NEBL: variants seen among roughly 807,000 people sequenced by gnomAD.
NEBL encodes LIM and SH3 protein 2.
In NEBL, 122 loss-of-function variants were observed where a neutral mutation model predicts 140.2. That is an observed-to-expected ratio of 0.87 (90% CI 0.75 to 1.01). NEBL has a LOEUF of 1.01. NEBL is among the 50% of genes least tolerant of loss of function. The pLI is 0.00. For synonymous variants in NEBL, 436 were observed against 398.9 expected (o/e 1.09, Z -1.11); for missense variants, 1,365 against 1,231.3 (o/e 1.11, Z -1.62).
rs1841184552 is a variant in NEBL, at chr10:21,173,656, A to C, written c.69+109T>G. 2 of 1,564,210 alleles carry C rather than the reference A, an allele frequency of 1.3e-6. No homozygotes were observed. The highest frequency in any genetic ancestry group is 1.7e-5 in the Admixed American group (1 of 58,564). The stretch of plus-strand genomic sequence containing the variant: ...CCTCCCCCCGTGCCAAGGCACACGC[A>C]CACGCACCGACCCACTCATTGCTTT... On this transcript the variant is annotated intron_variant, in intron 1 of 6. Transcript: ENST00000417816. This position sits in a 1 kb window ranked among gnomAD's most constrained non-coding sequence, Gnocchi z 5.7.
rs1220695576 is a variant in NEBL, at chr10:20,808,485, T to C, written c.2761+25A>G. 12 of 1,612,414 alleles carry C rather than the reference T, an allele frequency of 7.4e-6. No homozygotes were observed. In the African/African-American group the frequency reaches 1.6e-4, roughly 22 times the overall value. ...ACACTTAAAAAATGAATCGATTTTCTTTGTAAGCAGTGAATGTTTGATACC... is the reference window on the plus strand; with the variant it reads ...ACACTTAAAAAATGAATCGATTTTCCTTGTAAGCAGTGAATGTTTGATACC... On this transcript the variant is annotated intron_variant, in intron 26 of 27. Transcript: ENST00000377122.
intron 2 of NEBL, among the ~76,000 whole-genome samples, chr10:21,153,506 T>A (rs938557004): frequency 4.0e-5 from 6 of 151,170 alleles, no homozygotes; most frequent in African/African-American, 1.5e-4. Flanking sequence ...ATTTTTTATA[T>A]ATATTAAAAC....
At chr10:21,019,251 C>T (rs1332127038) in intron 3 of NEBL, among the ~76,000 whole-genome samples, 2 of 152,222 alleles carry the variant, frequency 1.3e-5, no homozygotes, top group Non-Finnish European at 2.9e-5. Context: ...TACAGACACC[C>T]TCAAGACAGG....
intron 4 of NEBL, among the ~76,000 whole-genome samples, chr10:20,905,164 A>T (rs1848037318): frequency 6.6e-6 from 1 of 152,250 alleles, no homozygotes; most frequent in Non-Finnish European, 1.5e-5. Context: ...ACACAAACAC[A>T]TGAAAAACTA....
chr10:20,877,470 A>C (rs1845608497), intron 5 of NEBL, among the ~76,000 whole-genome samples: 2 of 152,206 alleles, frequency 1.3e-5, no homozygotes. Context: ...CTTTTAATAA[A>C]AAGCAGCCCC....
chr10:21,252,584 T>A lies in NEBL; in HGVS notation n.183-756A>T, dbSNP rs569489194. Among the ~76,000 whole-genome samples, 172 of 152,010 alleles carry A rather than the reference T, an allele frequency of 1.1e-3. 3 individuals are homozygous for A. Among genetic ancestry groups the A allele is most frequent in the African/African-American group, 3.9e-3 (160 of 41,430 alleles). On this transcript the variant is annotated intron_variant and non_coding_transcript_variant, in intron 1 of 8. Coordinates refer to the NEBL transcript ENST00000675702. ...ACGTTTTTAAAATGCACAACCTTAC[T>A]GGGAAAAAATATATATAAATATACA...
chr10:21,095,233 A>G (rs1837131200), intron 2 of NEBL, among the ~76,000 whole-genome samples: 1 of 152,160 alleles, frequency 6.6e-6, no homozygotes, highest in Non-Finnish European at 1.5e-5. Context: ...CCCTCACAAA[A>G]GTTCCATCCA....
intron 2 of NEBL, chr10:21,020,341 T>C (rs1453339610): frequency 5.5e-6 from 4 of 727,916 alleles, no homozygotes; most frequent in Admixed American, 4.1e-5. Flanking sequence ...TAAGGTCATC[T>C]CTCTGTCATT....
intron 2 of NEBL, among the ~76,000 whole-genome samples, chr10:21,086,339 C>T (rs537507946): frequency 6.6e-6 from 1 of 152,222 alleles, no homozygotes; most frequent in Admixed American, 6.5e-5. Context: ...TGTGCTAAGA[C>T]CCTATAACTC....
chr10:21,054,336 A>G (rs1359135330), intron 2 of NEBL, among the ~76,000 whole-genome samples: 4 of 152,146 alleles, frequency 2.6e-5, no homozygotes, highest in Admixed American at 1.3e-4. Flanking sequence ...AAATCTGTTT[A>G]ATGGTTATTT....
chr10:20,960,743 A>G (rs1486561895), intron 4 of NEBL, among the ~76,000 whole-genome samples: 1 of 152,048 alleles, frequency 6.6e-6, no homozygotes, highest in East Asian at 1.9e-4. Flanking sequence ...GTATACATAC[A>G]TCTCATGATG....
At chr10:21,094,682 A>G (rs964469095) in intron 2 of NEBL, among the ~76,000 whole-genome samples, 5 of 152,148 alleles carry the variant, frequency 3.3e-5, no homozygotes, top group Non-Finnish European at 7.3e-5. Context: ...GAAACAAAAA[A>G]GGCTAAAGAA....
chr10:21,288,547 A>T lies in NEBL; in HGVS notation n.182+4283T>A, dbSNP rs529470337. Among the ~76,000 whole-genome samples, 290 of 148,562 alleles carry T rather than the reference A, an allele frequency of 2.0e-3. 1 individual carries two copies. The highest frequency in any genetic ancestry group is 7.0e-3 in the African/African-American group (284 of 40,372). Reference sequence around the variant, plus strand: ...GAAGGCTAAGGCGGGTGGATCACGAAGTCAGGAGTTCAGGACCAGCCTGGC... The same window carrying T: ...GAAGGCTAAGGCGGGTGGATCACGATGTCAGGAGTTCAGGACCAGCCTGGC... On this transcript the variant is annotated intron_variant and non_coding_transcript_variant, in intron 1 of 8. Transcript: ENST00000675702.
chr10:20,918,525 A>G (rs1209400196), intron 4 of NEBL, among the ~76,000 whole-genome samples: 1 of 152,130 alleles, frequency 6.6e-6, no homozygotes, highest in African/African-American at 2.4e-5. Context: ...GAGCACTTGA[A>G]TCAGTGCACT....
chr10:20,803,334 T>A (rs1044973436), intron 26 of NEBL, among the ~76,000 whole-genome samples: 1 of 152,180 alleles, frequency 6.6e-6, no homozygotes. Context: ...GATCACTATA[T>A]GGTGTATATA....
chr10:20,843,658 A>C (rs11012357), intron 12 of NEBL, among the ~76,000 whole-genome samples: 34,730 of 152,072 alleles, frequency 0.23, 4,366 homozygotes, highest in East Asian at 0.43. Flanking sequence ...TCTTCCAAAA[A>C]GCCTTATGGC....
intron 3 of NEBL, among the ~76,000 whole-genome samples, chr10:21,188,484 T>A (rs1841513972): frequency 6.6e-6 from 1 of 152,244 alleles, no homozygotes; most frequent in South Asian, 2.1e-4. Flanking sequence ...GTCTGATTTA[T>A]TTCTTCTCAA....
chr10:21,136,373 G>A (rs1257205135), intron 2 of NEBL, among the ~76,000 whole-genome samples: 1 of 152,146 alleles, frequency 6.6e-6, no homozygotes, highest in Non-Finnish European at 1.5e-5. Context: ...CTCTTGCCCA[G>A]CCTGGAGTGC....
intron 3 of NEBL, among the ~76,000 whole-genome samples, chr10:21,007,147 A>G (rs1267721010): frequency 1.3e-5 from 2 of 152,068 alleles, no homozygotes; most frequent in African/African-American, 4.8e-5. Flanking sequence ...GGGAGAATAT[A>G]TTTTGAGGGG....
Sources: gnomAD v4.1 joint callset for allele counts (sites outside exome capture counted in the v4.1 genomes callset) on GRCh38, gnomAD v4.1.1 for gene constraint, Gnocchi (gnomAD v3.1) non-coding constraint, MANE v1.5 for transcripts, NCBI Gene and HGNC (gene_info 2026-07-23, HGNC 2026-07-21) for gene names.